The following FBN2 variants were observed in gnomAD, a reference collection of about 807,000 sequenced individuals.
The protein encoded by FBN2 is fibrillin-2.
FBN2 carries 105 observed loss-of-function variants against 355.6 expected under a neutral mutation model. That is an observed-to-expected ratio of 0.30 (90% CI 0.25 to 0.35). The LOEUF is 0.35. Among genes scored for constraint, FBN2 ranks in the 10% least tolerant of loss-of-function variants. The pLI is 1.00. For missense variants in FBN2, 3,280 were observed against 3,758.7 expected (o/e 0.87, Z 3.33); for synonymous variants, 1,350 against 1,301.2 (o/e 1.04, Z -0.81).
intron 20 of FBN2, 83 bp downstream of exon 20, chr5:128,357,193 C>A: frequency 6.5e-7 from 1 of 1,547,502 alleles, no homozygotes; most frequent in Non-Finnish European, 8.9e-7. Flanking sequence ...GAATCATATT[C>A]TGTTTTTATC....
At chr5:128,447,404 G>GTCTCTCTTTTACAGT (rs1754097291) in intron 6 of FBN2, among the ~76,000 whole-genome samples, 1 of 152,144 alleles carries the variant, frequency 6.6e-6, no homozygotes, top group African/African-American at 2.4e-5. Flanking sequence ...CTCTGGGACT[G>GTCTCTCTTTTACAGT]TCTCTCTTTT....
intron 7 of FBN2, among the ~76,000 whole-genome samples, chr5:128,423,756 C>A (rs1471703012): frequency 6.6e-6 from 1 of 152,058 alleles, no homozygotes; most frequent in Non-Finnish European, 1.5e-5. Context: ...GTGACATGAC[C>A]AAACTTGTGA....
chr5:128,342,205 C>T (rs1751042138), intron 25 of FBN2, among the ~76,000 whole-genome samples: 1 of 151,956 alleles, frequency 6.6e-6, no homozygotes, highest in African/African-American at 2.4e-5. Context: ...ACTCTGGCAA[C>T]ACCCAAGAAA....
At chr5:128,477,705 C>A (rs937362292) in intron 5 of FBN2, among the ~76,000 whole-genome samples, 1 of 152,128 alleles carries the variant, frequency 6.6e-6, no homozygotes, top group Non-Finnish European at 1.5e-5. Context: ...TGATGATGCA[C>A]AACAGACCCC....
intron 5 of FBN2, among the ~76,000 whole-genome samples, chr5:128,474,407 C>T (rs746848987): frequency 5.9e-5 from 9 of 152,072 alleles, no homozygotes; most frequent in East Asian, 3.9e-4. Flanking sequence ...TCTGTACTAT[C>T]GTTAAGTAGG....
At chr5:128,464,688 T>A (rs760802177) in intron 6 of FBN2, 36 bp downstream of exon 6, 1 of 1,593,744 alleles carries the variant, frequency 6.3e-7, no homozygotes, top group African/African-American at 1.3e-5. Flanking sequence ...AAGTGGCAGG[T>A]CTGCGATGGT....
At chr5:128,455,825 A>C (rs1754367843) in intron 6 of FBN2, among the ~76,000 whole-genome samples, 1 of 151,690 alleles carries the variant, frequency 6.6e-6, no homozygotes, top group African/African-American at 2.4e-5. Flanking sequence ...CTCAAACCCA[A>C]GCCACAGGGG....
chr5:128,337,899 G>A, intron 27 of FBN2, 98 bp downstream of exon 27: 1 of 1,339,848 alleles, frequency 7.5e-7, no homozygotes. Context: ...TAATAAGCTA[G>A]ATTTCATGTG....
chr5:128,377,224 G>C (rs747595874), intron 13 of FBN2, among the ~76,000 whole-genome samples: 1 of 152,166 alleles, frequency 6.6e-6, no homozygotes, highest in Non-Finnish European at 1.5e-5. Context: ...ACTTTCATTA[G>C]TAGATGAATA....
chr5:128,363,307 C>T (rs1431403575), intron 18 of FBN2, among the ~76,000 whole-genome samples: 2 of 152,138 alleles, frequency 1.3e-5, no homozygotes, highest in African/African-American at 2.4e-5. Context: ...TCTCCTGCTT[C>T]AGCCTCCTGG....
intron 7 of FBN2, among the ~76,000 whole-genome samples, chr5:128,429,760 T>A (rs1182395186): frequency 1.3e-5 from 2 of 152,194 alleles, no homozygotes; most frequent in Non-Finnish European, 2.9e-5. Flanking sequence ...CATAGTAAAT[T>A]AAGAAAAACA....
In FBN2 at chr5:128,305,573, G is replaced by A. The variant is rs1217274688; in HGVS notation, c.5612C>T (p.Pro1871Leu). Residue 1871 changes from proline (P) to leucine (L), a missense_variant, in exon 44 of 65, where the codon CCT (proline) becomes CTT (leucine). Pro to Leu is a moderately conservative substitution (Grantham distance 98). Coordinates refer to ENST00000262464, the MANE Select transcript of FBN2 (RefSeq NM_001999.4). The part of the protein sequence containing the change: ...CQRNADCINS[P>L]GSYRCECAAG... ...GGCACATTCACAGCGGTAACTACCA[G>A]GACTATTGATGCAGTCTGCATTCCG... is the stretch of plus-strand genomic sequence containing the variant. 1 of 1,613,768 alleles carries A rather than the reference G, an allele frequency of 6.2e-7. No homozygotes were observed. The highest frequency in any genetic ancestry group is 8.5e-7 in the Non-Finnish European group (1 of 1,179,876).
intron 48 of FBN2, among the ~76,000 whole-genome samples, chr5:128,293,993 C>T (rs987613016): frequency 4.3e-4 from 65 of 151,740 alleles, no homozygotes; most frequent in Non-Finnish European, 6.3e-4. Flanking sequence ...CCTCCTCCCC[C>T]GACCCCACCA....
intron 35 of FBN2, among the ~76,000 whole-genome samples, chr5:128,318,646 G>T (rs925043644): frequency 6.6e-6 from 1 of 151,536 alleles, no homozygotes; most frequent in Non-Finnish European, 1.5e-5. Flanking sequence ...CACTTTACTA[G>T]TTTCATGTCA....
intron 8 of FBN2, among the ~76,000 whole-genome samples, chr5:128,396,792 T>A (rs1752661255): frequency 1.3e-5 from 2 of 152,216 alleles, no homozygotes; most frequent in Admixed American, 1.3e-4. Context: ...CCTATCAAGA[T>A]GCTTTCAAAG....
Position 128,288,381 on chromosome 5 carries a change from A to T in FBN2, c.6757+57T>A, listed in dbSNP as rs573335079. 5.0e-6 allele frequency: 8 copies of T among 1,588,670 alleles called. No homozygotes were observed. The East Asian group carries it at 1.6e-4, about 31-fold the overall frequency. ...AAGCAATATAAATAAATATTGAGAC[A>T]TTAAAAAACACTTTCTATGTCAAGA... On this transcript the variant is annotated intron_variant, in intron 53 of 64. Transcript: ENST00000262464.
chr5:128,277,487 C>T (rs1033737583), intron 58 of FBN2, among the ~76,000 whole-genome samples: 2 of 152,008 alleles, frequency 1.3e-5, no homozygotes, highest in South Asian at 2.1e-4. Flanking sequence ...AAGAAAAAGC[C>T]CTTTTCCTTC....
At chr5:128,397,357 A>G (rs1295973552) in intron 8 of FBN2, among the ~76,000 whole-genome samples, 2 of 152,256 alleles carry the variant, frequency 1.3e-5, no homozygotes, top group Non-Finnish European at 2.9e-5. Flanking sequence ...GTTATAAAAC[A>G]CAATCAGTGC....
chr5:128,467,716 T>C (rs1300890532), intron 5 of FBN2, among the ~76,000 whole-genome samples: 1 of 152,170 alleles, frequency 6.6e-6, no homozygotes, highest in Non-Finnish European at 1.5e-5. Context: ...TATCACTTAG[T>C]ATGTTGGAAC....
Sources: allele counts gnomAD v4.1 joint callset (sites outside exome capture counted in the v4.1 genomes callset), GRCh38; gene constraint gnomAD v4.1.1; transcripts MANE v1.5; gene names NCBI Gene and HGNC (gene_info 2026-07-23, HGNC 2026-07-21).